Variants in ERGIC1 observed in about 807,000 individuals in gnomAD.
The protein encoded by ERGIC1 is endoplasmic reticulum-golgi intermediate compartment 1, also known as endoplasmic reticulum-Golgi intermediate compartment protein 1.
A neutral mutation model predicts 38.3 loss-of-function variants in ERGIC1; 19 were observed. The observed-to-expected ratio is 0.50, with a 90% confidence interval of 0.35 to 0.73. ERGIC1 has a LOEUF of 0.73. Ranked by LOEUF, ERGIC1 falls within the 30% of genes least tolerant of loss-of-function variation. ERGIC1 has a pLI of 0.01. For synonymous variants in ERGIC1, 124 were observed against 157.6 expected, an observed-to-expected ratio of 0.79 and a Z score of 1.60; for missense variants, 294 against 389.2, an observed-to-expected ratio of 0.76 and a Z score of 2.06.
intron 8 of ERGIC1, 37 bp from the exon 9 acceptor site, chr5:172,935,151 C>T (rs1763860835): frequency 6.2e-7 from 1 of 1,613,720 alleles, no homozygotes; most frequent in Non-Finnish European, 8.5e-7. Flanking sequence ...CCCTGAGACA[C>T]AGTTTGTACT....
Position 172,926,585 on chromosome 5 carries a change from G to A in ERGIC1, c.541+16G>A. 2 of 1,611,056 alleles carry A rather than the reference G, an allele frequency of 1.2e-6. No individual in the cohort carries two copies. Among genetic ancestry groups the A allele is most frequent in the South Asian group, 1.1e-5 (1 of 91,072 alleles). On this transcript the variant is annotated intron_variant, in intron 7 of 9. Coordinates refer to ENST00000393784, the MANE Select transcript of ERGIC1 (RefSeq NM_001031711.3). This position sits in a 1 kb window ranked among gnomAD's most constrained non-coding sequence, Gnocchi z 5.2. ...ACCTCCAACCGTATGTATCCCTGCT[G>A]GGAACAGCCTTCTGCTCCAAGATGC... is the stretch of plus-strand genomic sequence containing the variant.
At chr5:172,891,074 G>A (rs1021147984) in intron 2 of ERGIC1, among the ~76,000 whole-genome samples, 5 of 152,214 alleles carry the variant, frequency 3.3e-5, no homozygotes, top group African/African-American at 7.2e-5. Flanking sequence ...CTGATCTGGG[G>A]ATTAAATGTG....
At chr5:172,888,807 C>G (rs1227143308) in intron 2 of ERGIC1, 47 bp downstream of exon 2, 1 of 1,498,716 alleles carries the variant, frequency 6.7e-7, no homozygotes, top group African/African-American at 1.4e-5. Context: ...TCTCCACTGC[C>G]TGTGCCTGCT....
intron 3 of ERGIC1, among the ~76,000 whole-genome samples, chr5:172,909,461 A>G (rs1654577860): frequency 6.6e-6 from 1 of 151,828 alleles, no homozygotes; most frequent in African/African-American, 2.4e-5. Context: ...CGCCCAGCCC[A>G]GCCCTCCCGT....
At chr5:172,886,578 C>A (rs928730720) in intron 1 of ERGIC1, among the ~76,000 whole-genome samples, 2 of 152,198 alleles carry the variant, frequency 1.3e-5, no homozygotes, top group Non-Finnish European at 2.9e-5. Context: ...TTAGTAGGCA[C>A]TGCGTAAATG....
intron 7 of ERGIC1, among the ~76,000 whole-genome samples, chr5:172,928,669 T>A (rs1054632363): frequency 3.9e-5 from 5 of 127,992 alleles, no homozygotes; most frequent in Non-Finnish European, 8.9e-5. Context: ...CAGGGTATAG[T>A]AGGTATATGA....
intron 6 of ERGIC1, 30 bp downstream of exon 6, chr5:172,924,139 C>G (rs1383560117): frequency 2.5e-6 from 4 of 1,605,478 alleles, no homozygotes; most frequent in Non-Finnish European, 2.6e-6. Flanking sequence ...GATGGCATGG[C>G]CGGGGGTGGG....
intron 1 of ERGIC1, among the ~76,000 whole-genome samples, chr5:172,854,217 C>CAAA (rs748064393): frequency 1.6e-5 from 2 of 122,760 alleles, no homozygotes; most frequent in African/African-American, 6.0e-5. Context: ...TCCATCTCTA[C>CAAA]AAAAAAAAAA....
intron 5 of ERGIC1, among the ~76,000 whole-genome samples, chr5:172,921,069 C>T (rs566133589): frequency 9.5e-4 from 145 of 152,362 alleles, no homozygotes; most frequent in African/African-American, 3.3e-3. Context: ...ACATGTTCAC[C>T]CTACAAACCC....
chr5:172,879,993 T>C (rs1466870232), intron 1 of ERGIC1, among the ~76,000 whole-genome samples: 1 of 152,210 alleles, frequency 6.6e-6, no homozygotes, highest in East Asian at 1.9e-4. Flanking sequence ...AAGGATTGAT[T>C]GGAAAGCTTT....
At chr5:172,903,850 TGAACCCTGGTAGCCTAGGCTTC>T (rs1299430336) in intron 3 of ERGIC1, among the ~76,000 whole-genome samples, 28 of 151,754 alleles carry the variant, frequency 1.8e-4, no homozygotes, top group African/African-American at 5.6e-4. Flanking sequence ...GCCTAGGCTT[TGAACCCTGGTAGCCTAGGCTTC>T]GAACCCTGGT....
chr5:172,913,836 G>C (rs534645917), intron 4 of ERGIC1, among the ~76,000 whole-genome samples: 2 of 152,284 alleles, frequency 1.3e-5, no homozygotes, highest in South Asian at 4.1e-4. Flanking sequence ...GCTTATCATA[G>C]GGCTGGTAGC....
chr5:172,905,576 C>A, intron 3 of ERGIC1: 1 of 387,014 alleles, frequency 2.6e-6, no homozygotes, highest in Non-Finnish European at 5.4e-6. Flanking sequence ...GGCACTTAGC[C>A]ACGCAGGAAC....
chr5:172,863,422 A>ACGTCCT (rs1761769242), intron 1 of ERGIC1, among the ~76,000 whole-genome samples: 1 of 152,130 alleles, frequency 6.6e-6, no homozygotes, highest in South Asian at 2.1e-4. Context: ...TCCACCTAAA[A>ACGTCCT]CCGTCTCAGG....
At position 172,834,381 on chromosome 5, in the gene ERGIC1, G is replaced by T. The variant is rs1178567204; in HGVS notation, c.-33G>T. The T allele has an allele frequency of 2.3e-6, 3 of 1,307,540 alleles. No homozygotes were observed. Among genetic ancestry groups the T allele is most frequent in the Admixed American group, 7.3e-5 (2 of 27,402 alleles). The allele number at this position is 1,307,540 out of a possible 1,614,324, so 81.0% of individuals were successfully genotyped here. ...CCCACGCGGCGCCGCGGCCCGCCTG[G>T]CCTGCAGCGCTCCCACCCCCGGCGG... On this transcript the variant is annotated 5_prime_UTR_variant, in exon 1 of 10. Coordinates refer to ENST00000393784, the MANE Select transcript of ERGIC1 (RefSeq NM_001031711.3). The surrounding 1 kb of genome is among the most constrained non-coding windows in gnomAD (Gnocchi z 4.1).
chr5:172,908,052 C>T (rs536893538), intron 3 of ERGIC1, among the ~76,000 whole-genome samples: 3 of 151,682 alleles, frequency 2.0e-5, no homozygotes, highest in Non-Finnish European at 4.4e-5. Context: ...ATGGCCGATG[C>T]GGTCGACAGA....
chr5:172,926,512 C>T lies in ERGIC1; in HGVS notation c.484C>T (p.Gln162Ter). ...KLSFGDTLQV[Q>*]NIHGAFNALG... ...CCCTCACTGCATTTTTCCACAGGTC[C>T]AGAACATCCACGGAGCTTTCAATGC... Residue 162 changes from glutamine (Q) to a stop codon, truncating the protein, a stop_gained, in exon 7 of 10, where the codon CAG (glutamine) becomes TAG (stop). Transcript: ENST00000393784. LOFTEE classifies it high-confidence loss of function. The surrounding 1 kb of genome is among the most constrained non-coding windows in gnomAD (Gnocchi z 5.2). 6.2e-7 allele frequency: 1 copy of T among 1,613,776 alleles called. No homozygotes were observed. Among genetic ancestry groups the T allele is most frequent in the Non-Finnish European group, 8.5e-7 (1 of 1,180,022 alleles).
chr5:172,872,662 A>C (rs1286059785), intron 1 of ERGIC1, among the ~76,000 whole-genome samples: 1 of 152,166 alleles, frequency 6.6e-6, no homozygotes, highest in Non-Finnish European at 1.5e-5. Flanking sequence ...TAAAAATTCC[A>C]AAATTAGCCT....
chr5:172,935,143 CT>C lies in ERGIC1; in HGVS notation c.643-44del, dbSNP rs201862360. 3.5e-3 allele frequency: 5,719 copies of C among 1,613,334 alleles called. 82 individuals are homozygous for C. The African/African-American group carries it at 0.046, about 13-fold the overall frequency. On this transcript the variant is annotated intron_variant, in intron 8 of 9. Coordinates refer to ENST00000393784, the MANE Select transcript of ERGIC1 (RefSeq NM_001031711.3). ...CTCTGCAATCCAGTCCCCGCCCCCC[CT>C]GAGACACAGTTTGTACTTCTGATTC... is the stretch of plus-strand genomic sequence containing the variant.
Sources: gnomAD v4.1 joint callset for allele counts (sites outside exome capture counted in the v4.1 genomes callset) on GRCh38, gnomAD v4.1.1 for gene constraint, Gnocchi (gnomAD v3.1) non-coding constraint, MANE v1.5 for transcripts, NCBI Gene and HGNC (gene_info 2026-07-23, HGNC 2026-07-21) for gene names.